The following IQGAP2 variants were observed in gnomAD, a reference collection of about 807,000 sequenced individuals.
The protein encoded by IQGAP2 is ras GTPase-activating-like protein IQGAP2.
A neutral mutation model predicts 201.3 loss-of-function variants in IQGAP2; 173 were observed. The ratio of observed to expected loss-of-function variants is 0.86; its 90% confidence interval spans 0.76 to 0.98. IQGAP2 has a LOEUF of 0.98. IQGAP2 is among the 50% of genes least tolerant of loss of function. The pLI, the probability that IQGAP2 is intolerant of heterozygous loss-of-function variation, is 0.00. For missense variants in IQGAP2, 1,687 were observed against 1,864.8 expected, an observed-to-expected ratio of 0.90 and a Z score of 1.76; for synonymous variants, 675 against 673.9, an observed-to-expected ratio of 1.00 and a Z score of -0.03.
intron 11 of IQGAP2, among the ~76,000 whole-genome samples, chr5:76,603,425 A>G (rs1442638029): frequency 2.0e-5 from 3 of 152,032 alleles, no homozygotes; most frequent in South Asian, 4.1e-4. Flanking sequence ...TCCTTCATCT[A>G]TAAAGCACAA....
intron 2 of IQGAP2, among the ~76,000 whole-genome samples, chr5:76,485,338 A>G (rs1756056418): frequency 6.6e-6 from 1 of 152,160 alleles, no homozygotes; most frequent in South Asian, 2.1e-4. Context: ...ATATGGCAAA[A>G]TATTATCTAT....
At position 76,597,489 on chromosome 5, in the gene IQGAP2, G is replaced by A. The variant is rs150086790; in HGVS notation, c.958G>A (p.Glu320Lys). The A allele has an allele frequency of 6.4e-5, 104 of 1,613,928 alleles. No homozygotes were observed. Among genetic ancestry groups the A allele is most frequent in the Admixed American group, 1.5e-4 (9 of 59,964 alleles). ...INAVIPEGDP[E>K]NTLLALKKPE... The stretch of plus-strand genomic sequence containing the variant: ...TGCTGTCATTCCGGAAGGTGACCCC[G>A]AGAATACGCTGCTTGCACTGAAGAA... The change falls in exon 10 of 36, where the codon GAG becomes AAG. Residue 320 changes from glutamate to lysine, a missense_variant. Physicochemically the swap from Glu to Lys is moderately conservative, Grantham distance 56. Transcript: ENST00000274364.
chr5:76,563,711 T>C (rs1309096313), intron 3 of IQGAP2, among the ~76,000 whole-genome samples: 1 of 152,036 alleles, frequency 6.6e-6, no homozygotes, highest in East Asian at 1.9e-4. Context: ...ACTTGATCTT[T>C]ATTTTTTTAA....
intron 1 of IQGAP2, among the ~76,000 whole-genome samples, chr5:76,448,239 G>C (rs1268853282): frequency 3.3e-5 from 5 of 152,176 alleles, no homozygotes; most frequent in Admixed American, 3.3e-4. Flanking sequence ...TGGGTTAAAT[G>C]CTGTGCAATG....
At chr5:76,651,092 G>T (rs547661349) in intron 17 of IQGAP2, among the ~76,000 whole-genome samples, 2 of 151,882 alleles carry the variant, frequency 1.3e-5, no homozygotes, top group South Asian at 4.2e-4. Context: ...TGCTTTCTTT[G>T]TCCACCGATT....
In IQGAP2 at chr5:76,519,396, T is replaced by C. The variant is rs146955756; in HGVS notation, c.147-43000T>C. Among the ~76,000 whole-genome samples, 229 of 152,370 alleles carry C rather than the reference T, an allele frequency of 1.5e-3. 1 individual carries two copies. The highest frequency in any genetic ancestry group is 2.8e-3 in the Non-Finnish European group (189 of 68,036). ...TTGTGTGTAATGATATGTTCCTTTT[T>C]ATTGCTGGATAGTATTGCCTTGGAG... On this transcript the variant is annotated intron_variant, in intron 2 of 35. Coordinates refer to ENST00000274364, the MANE Select transcript of IQGAP2 (RefSeq NM_006633.5).
chr5:76,706,992 A>C (rs1747963169), intron 35 of IQGAP2, among the ~76,000 whole-genome samples: 1 of 152,220 alleles, frequency 6.6e-6, no homozygotes, highest in Non-Finnish European at 1.5e-5. Context: ...GTGCCATGGC[A>C]TGCGCCTGTA....
In IQGAP2 at chr5:76,673,972, C is replaced by T. The variant is rs745458568; in HGVS notation, c.3230C>T (p.Ala1077Val). 1.9e-6 allele frequency: 3 copies of T among 1,599,394 alleles called. No homozygotes were observed. The highest frequency in any genetic ancestry group is 2.6e-6 in the Non-Finnish European group (3 of 1,166,916). Residue 1077 changes from alanine (A) to valine (V), a missense_variant, in exon 26 of 36, where the codon GCC becomes GTC. Ala to Val is a moderately conservative substitution (Grantham distance 64). Coordinates refer to ENST00000274364, the MANE Select transcript of IQGAP2 (RefSeq NM_006633.5). Reference protein sequence around the residue: ...DLLPYGLRYIAKVLKNSIHEK... With the variant: ...DLLPYGLRYIVKVLKNSIHEK... ...TGTAGTTATGGATTGAGGTATATAG[C>T]CAAAGTACTGAAGAATTCGATCCAT...
intron 1 of IQGAP2, among the ~76,000 whole-genome samples, chr5:76,460,977 C>T (rs1754415283): frequency 6.7e-6 from 1 of 149,050 alleles, no homozygotes; most frequent in South Asian, 2.1e-4. Flanking sequence ...TCAAGTGATT[C>T]TCCTGATTCT....
At chr5:76,587,262 G>T (rs975453523) in intron 5 of IQGAP2, among the ~76,000 whole-genome samples, 1 of 152,116 alleles carries the variant, frequency 6.6e-6, no homozygotes, top group Non-Finnish European at 1.5e-5. Flanking sequence ...ATCACATTTG[G>T]ACAGTAAACA....
chr5:76,579,088 T>G (rs2150287615), intron 5 of IQGAP2, among the ~76,000 whole-genome samples: 1 of 152,238 alleles, frequency 6.6e-6, no homozygotes, highest in East Asian at 1.9e-4. Context: ...AAATGATGTT[T>G]TGAGTACTTC....
At chr5:76,561,923 T>C (rs957068686) in intron 2 of IQGAP2, among the ~76,000 whole-genome samples, 1 of 152,224 alleles carries the variant, frequency 6.6e-6, no homozygotes, top group Non-Finnish European at 1.5e-5. Context: ...CATGCCTTCC[T>C]ACCTTTCCTG....
At chr5:76,464,456 A>G (rs554917852) in intron 2 of IQGAP2, among the ~76,000 whole-genome samples, 2 of 152,328 alleles carry the variant, frequency 1.3e-5, no homozygotes, top group South Asian at 4.1e-4. Context: ...ACTAAATTGT[A>G]TGCTTGTACT....
intron 30 of IQGAP2, among the ~76,000 whole-genome samples, chr5:76,687,756 A>G (rs994085576): frequency 2.2e-4 from 34 of 152,206 alleles, no homozygotes; most frequent in African/African-American, 8.2e-4. Context: ...CCTGATGATC[A>G]CTGTCTCCCA....
intron 5 of IQGAP2, among the ~76,000 whole-genome samples, chr5:76,582,380 A>T (rs113130448): frequency 0.013 from 1,906 of 152,318 alleles, 39 homozygotes; most frequent in African/African-American, 0.044. Context: ...AGTCTAAGTC[A>T]TTCATTTCAC....
chr5:76,697,308 A>G (rs189078415), intron 32 of IQGAP2, among the ~76,000 whole-genome samples: 17 of 152,334 alleles, frequency 1.1e-4, no homozygotes, highest in Admixed American at 1.1e-3. Flanking sequence ...TTAAATGTAA[A>G]CTTTTTTAGT....
At chr5:76,652,179 G>A (rs143451203) in intron 17 of IQGAP2, among the ~76,000 whole-genome samples, 7 of 152,264 alleles carry the variant, frequency 4.6e-5, no homozygotes, top group Admixed American at 6.5e-5. Context: ...TGATAATCAG[G>A]TAAAGCTATG....
At chr5:76,509,511 C>T (rs1411497456) in intron 2 of IQGAP2, among the ~76,000 whole-genome samples, 1 of 152,050 alleles carries the variant, frequency 6.6e-6, no homozygotes, top group Non-Finnish European at 1.5e-5. Flanking sequence ...ATTCTTCTGC[C>T]TCAGCCTCCC....
At chr5:76,615,498 T>C (rs1461438145) in intron 13 of IQGAP2, 1 of 152,216 alleles carries the variant, frequency 6.6e-6, no homozygotes, top group East Asian at 1.9e-4. Flanking sequence ...TAAAATTGTT[T>C]TTTATTGTTT....
Sources: gnomAD v4.1 joint callset for allele counts (sites outside exome capture counted in the v4.1 genomes callset) on GRCh38, gnomAD v4.1.1 for gene constraint, MANE v1.5 for transcripts, NCBI Gene and HGNC (gene_info 2026-07-23, HGNC 2026-07-21) for gene names.